TANC1: variants seen among roughly 807,000 people sequenced by gnomAD.
TANC1 encodes tetratricopeptide repeat, ankyrin repeat and coiled-coil containing 1.
A neutral mutation model predicts 149.7 loss-of-function variants in TANC1; 77 were observed. That is an observed-to-expected ratio of 0.51 (90% CI 0.43 to 0.62). TANC1 has a LOEUF of 0.62. Ranked by LOEUF, TANC1 falls within the 20% of genes least tolerant of loss-of-function variation. The pLI is 0.00. For synonymous variants in TANC1, 854 were observed against 925.0 expected (o/e 0.92, Z 1.39); for missense variants, 1,985 against 2,321.8 (o/e 0.85, Z 2.98).
chr2:158,990,711 A>G (rs998963892), intron 1 of TANC1, among the ~76,000 whole-genome samples: 1 of 152,186 alleles, frequency 6.6e-6, no homozygotes, highest in Non-Finnish European at 1.5e-5. Flanking sequence ...AGGAATTCCT[A>G]GGAAATGAGC....
intron 2 of TANC1, among the ~76,000 whole-genome samples, chr2:159,024,958 ACT>A: frequency 6.6e-6 from 1 of 152,108 alleles, no homozygotes; most frequent in East Asian, 1.9e-4. Flanking sequence ...GTGTAAGTAC[ACT>A]CTGTTACATT....
intron 4 of TANC1, among the ~76,000 whole-genome samples, chr2:159,112,647 A>G (rs1441955457): frequency 1.4e-5 from 2 of 147,314 alleles, no homozygotes; most frequent in Non-Finnish European, 3.0e-5. Flanking sequence ...AGCTCACTGC[A>G]TCCTTGAACT....
At chr2:159,051,090 A>T (rs886325188) in intron 2 of TANC1, among the ~76,000 whole-genome samples, 1 of 152,214 alleles carries the variant, frequency 6.6e-6, no homozygotes, top group African/African-American at 2.4e-5. Context: ...CATTATATCT[A>T]CAACAATTTT....
chr2:159,006,295 CAAAAAAAAAA>C (rs71406138), intron 2 of TANC1, among the ~76,000 whole-genome samples: 2 of 75,148 alleles, frequency 2.7e-5, no homozygotes, highest in East Asian at 3.4e-4. Flanking sequence ...GACTTAGTCT[CAAAAAAAAAA>C]AAAAAAAAAA....
chr2:159,140,217 G>A (rs1479005829), intron 5 of TANC1, among the ~76,000 whole-genome samples: 1 of 149,126 alleles, frequency 6.7e-6, no homozygotes, highest in Non-Finnish European at 1.5e-5. Context: ...GTGAGACCCT[G>A]TCTCAAAAAA....
chr2:158,987,382 C>T (rs977346576), intron 1 of TANC1, among the ~76,000 whole-genome samples: 2 of 151,788 alleles, frequency 1.3e-5, no homozygotes, highest in Non-Finnish European at 2.9e-5. Context: ...AAAAATTAGC[C>T]GGCTGTGGTG....
chr2:159,178,574 C>T lies in TANC1; in HGVS notation c.1921C>T (p.Pro641Ser). 1 of 1,585,766 alleles carries T rather than the reference C, an allele frequency of 6.3e-7. No individual in the cohort carries two copies. Among genetic ancestry groups the T allele is most frequent in the Non-Finnish European group, 8.6e-7 (1 of 1,166,254 alleles). Residue 641 changes from proline (P) to serine (S), a missense_variant, in exon 14 of 27, where the codon CCA becomes TCA. Coordinates refer to ENST00000263635, the MANE Select transcript of TANC1 (RefSeq NM_033394.3). Reference protein sequence around the residue: ...ANFQEIISALPFVKLSLDDFP... With the variant: ...ANFQEIISALSFVKLSLDDFP... ...CCCCCAGGAAATCATAAGTGCGCTGCCATTTGTCAAGCTTTCCTTAGATGA... is the reference window on the plus strand; with the variant it reads ...CCCCCAGGAAATCATAAGTGCGCTGTCATTTGTCAAGCTTTCCTTAGATGA...
chr2:159,151,801 T>A (rs77628918), intron 7 of TANC1, among the ~76,000 whole-genome samples: 5,130 of 152,298 alleles, frequency 0.034, 118 homozygotes, highest in African/African-American at 0.066. Flanking sequence ...ATCAGAATCT[T>A]TAATGGATTT....
At chr2:159,150,745 G>A in intron 7 of TANC1, 189 bp downstream of exon 7, 1 of 517,762 alleles carries the variant, frequency 1.9e-6, no homozygotes, top group South Asian at 2.6e-5. Flanking sequence ...TACATTCCTT[G>A]ATGTTTACTT....
In TANC1 at chr2:159,176,336, T is replaced by C. The variant is rs762663336; in HGVS notation, c.1736-16T>C. The stretch of plus-strand genomic sequence containing the variant: ...TGTATAATTTCTTAATTTGAAAAAA[T>C]TATTTTATCCTGTAGAGCAGAAAAT... On this transcript the variant is annotated splice_polypyrimidine_tract_variant and intron_variant, in intron 12 of 26. Transcript: ENST00000263635. 1.4e-6 allele frequency: 2 copies of C among 1,426,154 alleles called. No individual in the cohort carries two copies. The highest frequency in any genetic ancestry group is 2.1e-4 in the Middle Eastern group (1 of 4,788). 88.3% of individuals were successfully genotyped at this position (1,426,154 alleles called of 1,614,324 possible).
chr2:159,068,059 A>G (rs1210062882), intron 3 of TANC1, among the ~76,000 whole-genome samples: 1 of 152,228 alleles, frequency 6.6e-6, no homozygotes, highest in Non-Finnish European at 1.5e-5. Flanking sequence ...AACGTTTCCC[A>G]TAAAATATCT....
At chr2:159,139,962 C>T (rs2051179614) in intron 5 of TANC1, among the ~76,000 whole-genome samples, 1 of 152,074 alleles carries the variant, frequency 6.6e-6, no homozygotes, top group African/African-American at 2.4e-5. Flanking sequence ...GTGGCTCGCC[C>T]TTATAATCCC....
Position 159,229,671 on chromosome 2 carries a change from G to A in TANC1, c.4245G>A (p.Glu1415=). Residue 1415 remains glutamate (E), a synonymous_variant, in exon 27 of 27, where the codon GAG becomes GAA. Transcript: ENST00000263635. ...AGAGGCTTCTGGCCCGCGTAGAAGA[G>A]GAGTGCAAACAACTCCAGAGGAGTC... is the stretch of plus-strand genomic sequence containing the variant. ...EVKRLLARVE[E]ECKQLQRSQQ... 3 of 1,614,088 alleles carry A rather than the reference G, an allele frequency of 1.9e-6. No individual in the cohort carries two copies. The highest frequency in any genetic ancestry group is 2.5e-6 in the Non-Finnish European group (3 of 1,180,036).
At position 159,232,111 on chromosome 2, in the gene TANC1, G is replaced by A. The variant is rs1201831604; in HGVS notation, c.*1099G>A. 6.6e-6 allele frequency: 1 copy of A among 152,634 alleles called. No homozygotes were observed. The allele number at this position is 152,634 out of a possible 1,614,324, so 9.5% of individuals were successfully genotyped here. A position where few individuals can be genotyped will look rare whatever the true frequency, so the allele number is the denominator to read the frequency against. ...ACTGAATGATATATTATTAGGGCATGTTAACAGTATACCAGTAACAGCACT... is the reference window on the plus strand; with the variant it reads ...ACTGAATGATATATTATTAGGGCATATTAACAGTATACCAGTAACAGCACT... On this transcript the variant is annotated 3_prime_UTR_variant, in exon 27 of 27. Coordinates refer to ENST00000263635, the MANE Select transcript of TANC1 (RefSeq NM_033394.3).
chr2:159,121,661 G>A (rs2150095764), intron 4 of TANC1, among the ~76,000 whole-genome samples: 1 of 152,312 alleles, frequency 6.6e-6, no homozygotes. Context: ...ATTAATTAGG[G>A]AATCCAAAAA....
chr2:159,046,410 T>G (rs2041043204), intron 2 of TANC1, among the ~76,000 whole-genome samples: 1 of 152,030 alleles, frequency 6.6e-6, no homozygotes, highest in South Asian at 2.1e-4. Flanking sequence ...GTCTCCTGGT[T>G]TCCTTCGCCT....
chr2:159,198,938 A>G, intron 18 of TANC1, 37 bp from the exon 19 acceptor site: 1 of 1,520,258 alleles, frequency 6.6e-7, no homozygotes, highest in Non-Finnish European at 9.1e-7. Flanking sequence ...ACCTCTTGCT[A>G]AGAGAACTCA....
rs1379838847 is a variant in TANC1, at chr2:159,178,686, T to C, written c.2033T>C (p.Ile678Thr). 6.2e-7 allele frequency: 1 copy of C among 1,614,036 alleles called. No homozygotes were observed. Among genetic ancestry groups the C allele is most frequent in the Non-Finnish European group, 8.5e-7 (1 of 1,180,016 alleles). ...AGCAGCCAGGACATCCTCAGCAACA[T>C]CTCCCTGAATGGCAAGGCCGATGCC... Reference protein sequence around the residue: ...VHSSQDILSNISLNGKADATL... With the variant: ...VHSSQDILSNTSLNGKADATL... The change falls in exon 14 of 27, where the codon ATC becomes ACC. Residue 678 changes from isoleucine to threonine, a missense_variant. Around this residue, in one of 3 missense-constraint regions of TANC1, gnomAD observed 508 missense variants for 714.2 expected, o/e 0.71. Transcript: ENST00000263635.
At chr2:159,117,007 T>C (rs946622571) in intron 4 of TANC1, among the ~76,000 whole-genome samples, 5 of 152,162 alleles carry the variant, frequency 3.3e-5, no homozygotes, top group Non-Finnish European at 5.9e-5. Context: ...CTTCGATCAC[T>C]CTCGAAAGGT....
Sources: allele counts gnomAD v4.1 joint callset (sites outside exome capture counted in the v4.1 genomes callset), GRCh38; gene constraint gnomAD v4.1.1; regional missense constraint gnomAD v4.1.1; transcripts MANE v1.5; gene names NCBI Gene and HGNC (gene_info 2026-07-23, HGNC 2026-07-21).